The following LZTFL1 variants were observed in gnomAD, a reference collection of about 807,000 sequenced individuals.
LZTFL1 encodes the protein leucine zipper transcription factor like 1.
In LZTFL1, 25 loss-of-function variants were observed where a neutral mutation model predicts 45.9. The observed-to-expected ratio is 0.54, with a 90% CI of 0.40 to 0.76. The LOEUF is 0.76. LZTFL1 is among the 30% of genes least tolerant of loss of function. The pLI is 0.00. For missense variants in LZTFL1, 277 were observed against 331.1 expected, an observed-to-expected ratio of 0.84 and a Z score of 1.27; for synonymous variants, 93 against 117.4, an observed-to-expected ratio of 0.79 and a Z score of 1.35.
At chr3:45,843,334 C>G (rs1701163368), upstream of LZTFL1, among the ~76,000 whole-genome samples, 1 of 152,224 alleles carries the variant, frequency 6.6e-6, no homozygotes, top group South Asian at 2.1e-4. Flanking sequence ...AGACACATTC[C>G]ATTCCAGTAG....
intron 2 of LZTFL1, among the ~76,000 whole-genome samples, chr3:45,888,375 T>C (rs1702048069): frequency 6.6e-6 from 1 of 152,188 alleles, no homozygotes; most frequent in Non-Finnish European, 1.5e-5. Flanking sequence ...ATGACCTCCT[T>C]CTTCCAATTC....
At chr3:45,867,496 A>G (rs1349431387) in intron 2 of LZTFL1, among the ~76,000 whole-genome samples, 1 of 152,044 alleles carries the variant, frequency 6.6e-6, no homozygotes, top group African/African-American at 2.4e-5. Flanking sequence ...GGTGAATTGG[A>G]ATTAAAAGGC....
intron 1 of LZTFL1, among the ~76,000 whole-genome samples, chr3:45,839,958 T>C (rs932667205): frequency 2.6e-5 from 4 of 152,244 alleles, no homozygotes; most frequent in Non-Finnish European, 5.9e-5. Flanking sequence ...TGCTACTTCT[T>C]TGGTACCGTC....
At chr3:45,897,084 G>A (rs1702379844) in intron 2 of LZTFL1, among the ~76,000 whole-genome samples, 1 of 152,186 alleles carries the variant, frequency 6.6e-6, no homozygotes, top group African/African-American at 2.4e-5. Context: ...CAGCCTGTGG[G>A]CTCAGAGGCT....
intron 2 of LZTFL1, among the ~76,000 whole-genome samples, chr3:45,886,238 CCTGACAAGG>C (rs1701977269): frequency 6.6e-6 from 1 of 152,172 alleles, no homozygotes; most frequent in African/African-American, 2.4e-5. Flanking sequence ...CTCTGGCAAG[CCTGACAAGG>C]CTGACTTCTC....
At chr3:45,863,770 C>T (rs1209254265) in intron 2 of LZTFL1, among the ~76,000 whole-genome samples, 6 of 152,148 alleles carry the variant, frequency 3.9e-5, no homozygotes. Flanking sequence ...TAAGAAGCTA[C>T]CCATGAAGAG....
chr3:45,855,070 C>G (rs1465149319), exon 4 of LZTFL1: 2 of 1,524,656 alleles, frequency 1.3e-6, no homozygotes, highest in Non-Finnish European at 1.8e-6. Flanking sequence ...TTTTCTCTGC[C>G]TTCCCTAGAA....
chr3:45,893,866 A>G (rs1169959476), intron 2 of LZTFL1, among the ~76,000 whole-genome samples: 2 of 152,228 alleles, frequency 1.3e-5, no homozygotes, highest in Non-Finnish European at 2.9e-5. Context: ...AGAAACTGCC[A>G]GTTTTCCAAA....
intron 1 of LZTFL1, among the ~76,000 whole-genome samples, chr3:45,838,869 G>A (rs1189752894): frequency 6.6e-6 from 1 of 152,182 alleles, no homozygotes; most frequent in African/African-American, 2.4e-5. Context: ...GGAAGCAAAA[G>A]GGAAATCTCT....
At chr3:45,874,605 C>T (rs1701719979) in intron 2 of LZTFL1, among the ~76,000 whole-genome samples, 1 of 152,126 alleles carries the variant, frequency 6.6e-6, no homozygotes, top group East Asian at 1.9e-4. Flanking sequence ...TATCACATTA[C>T]CCTGTAGGTA....
chr3:45,887,649 G>A (rs559639308), intron 2 of LZTFL1, among the ~76,000 whole-genome samples: 4 of 152,322 alleles, frequency 2.6e-5, no homozygotes, highest in Non-Finnish European at 4.4e-5. Context: ...ACGAGCAAAA[G>A]CTAATTTACT....
intron 2 of LZTFL1, among the ~76,000 whole-genome samples, chr3:45,868,257 G>GA (rs1701611290): frequency 6.7e-6 from 1 of 149,650 alleles, no homozygotes; most frequent in South Asian, 2.1e-4. Flanking sequence ...GCTTTCTACT[G>GA]AACCTGTGCA....
intron 2 of LZTFL1, among the ~76,000 whole-genome samples, chr3:45,880,410 G>A (rs560721813): frequency 1.1e-3 from 172 of 152,182 alleles, no homozygotes; most frequent in African/African-American, 3.8e-3. Context: ...GCTGAGACAG[G>A]AGAATCACTT....
chr3:45,906,085 C>T (rs949602745), intron 2 of LZTFL1, among the ~76,000 whole-genome samples: 1 of 152,138 alleles, frequency 6.6e-6, no homozygotes, highest in Non-Finnish European at 1.5e-5. Flanking sequence ...AGTCGTCCTG[C>T]AACAATTTTC....
chr3:45,856,917 T>C (rs989062623), intron 3 of LZTFL1, among the ~76,000 whole-genome samples: 9 of 152,214 alleles, frequency 5.9e-5, no homozygotes, highest in African/African-American at 1.9e-4. Context: ...TTTTACACTT[T>C]GGTTGGAGTG....
chr3:45,895,090 C>A (rs41289610), intron 2 of LZTFL1: 3 of 924,594 alleles, frequency 3.2e-6, no homozygotes, highest in African/African-American at 1.6e-5. Context: ...CCTGGCAATG[C>A]GCATTGCTGG....
chr3:45,915,144 G>C (rs1452729835), intron 1 of LZTFL1, among the ~76,000 whole-genome samples: 2 of 152,102 alleles, frequency 1.3e-5, no homozygotes. Flanking sequence ...ACATTAAAGT[G>C]CTGCCTCCAC....
rs565961298 is a variant in LZTFL1, at chr3:45,899,574, G to C, written c.-215+13546C>G. Among the ~76,000 whole-genome samples, 115 of 152,312 alleles carry C rather than the reference G, an allele frequency of 7.6e-4. 1 individual carries two copies. The highest frequency in any genetic ancestry group is 2.6e-3 in the African/African-American group (108 of 41,574). On this transcript the variant is annotated intron_variant, in intron 2 of 4. Transcript: ENST00000472635. Reference sequence around the variant, plus strand: ...TGCATTTGCCTCAGGATAAATAAAAGTAGAGATGAGATTTGGCAAGGAATG... The same window carrying C: ...TGCATTTGCCTCAGGATAAATAAAACTAGAGATGAGATTTGGCAAGGAATG...
At chr3:45,830,302 C>T (rs1228316392) in intron 7 of LZTFL1, among the ~76,000 whole-genome samples, 3 of 152,338 alleles carry the variant, frequency 2.0e-5, no homozygotes, top group East Asian at 1.9e-4. Flanking sequence ...AGAAAGTCCA[C>T]AGGAGACAGA....
Sources: gnomAD v4.1 joint callset for allele counts (sites outside exome capture counted in the v4.1 genomes callset) on GRCh38, gnomAD v4.1.1 for gene constraint, MANE v1.5 for transcripts, NCBI Gene and HGNC (gene_info 2026-07-23, HGNC 2026-07-21) for gene names.